CAPN14: variants seen among roughly 807,000 people sequenced by gnomAD.
CAPN14 encodes calpain 14, also known as calpain-14.
A neutral mutation model predicts 101.3 loss-of-function variants in CAPN14; 94 were observed. The ratio of observed to expected loss-of-function variants is 0.93; its 90% CI spans 0.79 to 1.10. CAPN14 has a LOEUF of 1.10. Among genes scored for constraint, CAPN14 ranks in the 50% least tolerant of loss-of-function variants. CAPN14 has a pLI of 0.00. For missense variants in CAPN14, 837 were observed against 828.4 expected, an observed-to-expected ratio of 1.01 and a Z score of -0.13; for synonymous variants, 338 against 317.9, an observed-to-expected ratio of 1.06 and a Z score of -0.67.
intron 1 of CAPN14, among the ~76,000 whole-genome samples, chr2:31,229,530 G>C (rs542309450): frequency 5.3e-5 from 8 of 152,060 alleles, no homozygotes; most frequent in Admixed American, 2.0e-4. Flanking sequence ...ACAAAAATTA[G>C]CCAGGTGTGG....
intron 1 of CAPN14, among the ~76,000 whole-genome samples, chr2:31,215,763 C>T (rs141381673): frequency 2.2e-4 from 33 of 150,436 alleles, no homozygotes; most frequent in African/African-American, 7.1e-4. Context: ...CTCTGATTAA[C>T]GCTACTCCAG....
intron 4 of CAPN14, 54 bp from the exon 5 acceptor site, chr2:31,202,052 G>A: frequency 1.9e-6 from 3 of 1,550,336 alleles, no homozygotes; most frequent in Non-Finnish European, 2.6e-6. Context: ...ATGGTGATCA[G>A]CCCAGAAGGT....
rs539342549 is a variant in CAPN14 at position 31,179,872 on chromosome 2, G to A, written c.1710+1064C>T. ...CTGCATAAATGTCTTCTTTTGAGAA[G>A]TGTCTGTTCATATCAAGGCAGGATA... On this transcript the variant is annotated intron_variant, in intron 17 of 21. Coordinates refer to ENST00000403897, the MANE Select transcript of CAPN14 (RefSeq NM_001145122.2). Among the ~76,000 whole-genome samples, 17 of 152,322 alleles carry A rather than the reference G, an allele frequency of 1.1e-4. No homozygotes were observed. In the South Asian group the frequency reaches 3.5e-3, roughly 32 times the overall value.
At chr2:31,195,503 AT>A (rs1266974909) in intron 8 of CAPN14, among the ~76,000 whole-genome samples, 40 of 152,124 alleles carry the variant, frequency 2.6e-4, no homozygotes, top group Non-Finnish European at 1.5e-5. Flanking sequence ...CACCTGGCTA[AT>A]TTTTGCAGTA....
intron 1 of CAPN14, among the ~76,000 whole-genome samples, chr2:31,213,746 C>G (rs868155742): frequency 6.6e-6 from 1 of 152,332 alleles, no homozygotes; most frequent in Admixed American, 6.5e-5. Context: ...CAGTTTCTCT[C>G]TGCTAAAGTT....
intron 1 of CAPN14, among the ~76,000 whole-genome samples, chr2:31,208,640 A>G (rs1171779271): frequency 6.6e-6 from 1 of 152,206 alleles, no homozygotes; most frequent in East Asian, 1.9e-4. Context: ...GGGAGAATAT[A>G]GGCCCAGATG....
At chr2:31,188,552 T>A (rs1241866070) in intron 13 of CAPN14, among the ~76,000 whole-genome samples, 198 bp from the exon 14 acceptor site, 1 of 152,144 alleles carries the variant, frequency 6.6e-6, no homozygotes, top group Non-Finnish European at 1.5e-5. Flanking sequence ...TGCTTGTAAT[T>A]CCCTGCACCC....
chr2:31,198,902 C>T (rs1474891333), intron 7 of CAPN14, among the ~76,000 whole-genome samples: 1 of 152,202 alleles, frequency 6.6e-6, no homozygotes, highest in Non-Finnish European at 1.5e-5. Context: ...TCTCCCCAGC[C>T]CAACTCGATG....
chr2:31,176,401 G>T (rs1027429342), intron 21 of CAPN14, among the ~76,000 whole-genome samples, 186 bp downstream of exon 21: 3 of 152,198 alleles, frequency 2.0e-5, no homozygotes, highest in South Asian at 2.1e-4. Flanking sequence ...GCACAAAGTG[G>T]GTGCTCAGAA....
intron 8 of CAPN14, 55 bp downstream of exon 8, chr2:31,197,194 C>G: frequency 8.3e-7 from 1 of 1,202,976 alleles, no homozygotes; most frequent in East Asian, 2.5e-5. Context: ...CAAATGGCAG[C>G]CTCCTTTGCC....
At position 31,200,531 on chromosome 2, in the gene CAPN14, C is replaced by T. The variant is rs1431969570; in HGVS notation, c.646G>A (p.Glu216Lys). The change falls in exon 6 of 22, where the codon GAA (glutamate) becomes AAA (lysine). Residue 216 changes from glutamate (E) to lysine (K), a missense_variant. Physicochemically the swap from Glu to Lys is moderately conservative, Grantham distance 56. Transcript: ENST00000403897. Reference sequence around the variant, plus strand: ...ATGTCCCAGAGGTTGCCATGGGCTTCTGCCAGGTTGATGGTCATTGTCACC... The same window carrying T: ...ATGTCCCAGAGGTTGCCATGGGCTTTTGCCAGGTTGATGGTCATTGTCACC... ...GGVTMTINLA[E>K]AHGNLWDILI... The T allele has an allele frequency of 1.9e-6, 3 of 1,551,670 alleles. No individual in the cohort carries two copies. In the South Asian group the frequency reaches 3.6e-5, roughly 18 times the overall value.
upstream of CAPN14, among the ~76,000 whole-genome samples, chr2:31,220,518 C>T (rs1307754766): frequency 6.6e-6 from 1 of 152,170 alleles, no homozygotes; most frequent in Non-Finnish European, 1.5e-5. Context: ...TGCAGCAGCA[C>T]CAAAGCTTCA....
Position 31,177,080 on chromosome 2 carries a change from G to A in CAPN14, c.1918C>T (p.Gln640Ter), listed in dbSNP as rs775132853. The change falls in exon 20 of 22, where the codon CAG becomes TAG. Residue 640 changes from glutamine to a stop codon, truncating the protein, a stop_gained. Transcript: ENST00000403897. LOFTEE classifies it high-confidence loss of function. ...TGGATGAAACTGACAAAGTCCATCT[G>A]GAGGCGGGGGCCGCCGTAGCGGATG... ...MLIRYGGPRL[Q>*]MDFVSFIHLM... 17 of 1,551,402 alleles carry A rather than the reference G, an allele frequency of 1.1e-5. No homozygotes were observed. The South Asian group carries it at 1.7e-4, about 15-fold the overall frequency.
intron 1 of CAPN14, among the ~76,000 whole-genome samples, chr2:31,215,366 C>A (rs1180486819): frequency 1.3e-5 from 2 of 151,850 alleles, no homozygotes; most frequent in African/African-American, 2.4e-5. Flanking sequence ...CTCCTCTGAT[C>A]CTGCATTTGC....
intron 15 of CAPN14, 48 bp downstream of exon 15, chr2:31,187,710 C>A: frequency 6.8e-7 from 1 of 1,477,758 alleles, no homozygotes; most frequent in South Asian, 1.2e-5. Flanking sequence ...AGAAGCTCCA[C>A]TTCGTCCCCT....
Position 31,203,128 on chromosome 2 carries a change from G to T in CAPN14, c.237C>A (p.Ser79Arg). Reference protein sequence around the residue: ...LQWKRPPELHSNPQFYFAKAK... With the variant: ...LQWKRPPELHRNPQFYFAKAK... The stretch of plus-strand genomic sequence containing the variant: ...CCTTGGCAAAATAAAACTGGGGATT[G>T]CTGTGCAGCTCCTGGGAAAGACAAA... The change falls in exon 3 of 22, where the codon AGC becomes AGA. Residue 79 changes from serine (S) to arginine (R), a missense_variant. Ser to Arg is a moderately radical substitution (Grantham distance 110). Coordinates refer to ENST00000403897, the MANE Select transcript of CAPN14 (RefSeq NM_001145122.2). 5 of 1,551,564 alleles carry T rather than the reference G, an allele frequency of 3.2e-6. No homozygotes were observed. The highest frequency in any genetic ancestry group is 4.4e-6 in the Non-Finnish European group (5 of 1,146,882).
chr2:31,192,216 C>T, intron 10 of CAPN14, 118 bp from the exon 11 acceptor site: 1 of 1,165,852 alleles, frequency 8.6e-7, no homozygotes, highest in Non-Finnish European at 1.2e-6. Context: ...ACCCTGAGGC[C>T]CACTGGGACA....
intron 7 of CAPN14, among the ~76,000 whole-genome samples, chr2:31,198,855 C>T (rs1315208603): frequency 1.3e-5 from 2 of 152,188 alleles, no homozygotes; most frequent in African/African-American, 4.8e-5. Context: ...CAAGGACCAA[C>T]CCAACATCAC....
chr2:31,191,499 C>A, intron 11 of CAPN14, 92 bp from the exon 12 acceptor site: 1 of 1,296,602 alleles, frequency 7.7e-7, no homozygotes, highest in Non-Finnish European at 1.1e-6. Flanking sequence ...TAAACCGAAA[C>A]CCGAATAGAA....
Sources: allele counts gnomAD v4.1 joint callset (sites outside exome capture counted in the v4.1 genomes callset), GRCh38; gene constraint gnomAD v4.1.1; transcripts MANE v1.5; gene names NCBI Gene and HGNC (gene_info 2026-07-23, HGNC 2026-07-21).